CD33: variants seen among roughly 807,000 people sequenced by gnomAD.
CD33 encodes CD33 molecule.
In CD33, 25 loss-of-function variants were observed where a neutral mutation model predicts 31.4. The ratio of observed to expected loss-of-function variants is 0.80; its 90% confidence interval spans 0.58 to 1.11. CD33 has a LOEUF of 1.11. Ranked by LOEUF, CD33 falls within the 50% of genes most tolerant of loss-of-function variation. CD33 has a pLI of 0.00. For missense variants in CD33, 407 were observed against 448.1 expected (o/e 0.91, Z 0.83); for synonymous variants, 176 against 180.6 (o/e 0.97, Z 0.20).
the CD33 span, among the ~76,000 whole-genome samples, chr19:51,213,409 G>A: frequency 3.3e-5 from 5 of 152,194 alleles, no homozygotes; most frequent in African/African-American, 1.2e-4. Context: ...ATACCAGACT[G>A]TTGTCCACAG....
chr19:51,211,658 G>A, the CD33 span: 9 of 1,160,058 alleles, frequency 7.8e-6, no homozygotes, highest in Non-Finnish European at 1.1e-5. Context: ...CTTGGGATGG[G>A]ACCCATGTCC....
chr19:51,235,603 C>G lies in CD33; in HGVS notation c.851C>G (p.Thr284Ser), dbSNP rs761921300. The G allele has an allele frequency of 5.0e-6, 8 of 1,613,616 alleles. No homozygotes were observed. Reference protein sequence around the residue: ...CLCLIFFIVKTHRRKAARTAV... With the variant: ...CLCLIFFIVKSHRRKAARTAV... Reference sequence around the variant, plus strand: ...CTGGTGTCTCCCATCAGAGTGAAGACCCACAGGAGGAAAGCAGCCAGGACA... The same window carrying G: ...CTGGTGTCTCCCATCAGAGTGAAGAGCCACAGGAGGAAAGCAGCCAGGACA... The change falls in exon 6 of 7, where the codon ACC becomes AGC. Residue 284 changes from threonine (T) to serine (S), a missense_variant. Transcript: ENST00000262262.
the CD33 span, chr19:51,211,621 G>C: frequency 7.0e-7 from 1 of 1,423,772 alleles, no homozygotes; most frequent in Non-Finnish European, 9.5e-7. Flanking sequence ...AGCCACAAGG[G>C]AAGGTCAAAG....
chr19:51,220,551 T>C (rs1346493822), upstream of CD33, among the ~76,000 whole-genome samples: 43 of 152,208 alleles, frequency 2.8e-4, no homozygotes, highest in Non-Finnish European at 5.9e-5. Context: ...TTTTCTCTTA[T>C]CAGGACTCTT....
chr19:51,225,913 T>G lies in CD33; in HGVS notation c.529T>G (p.Phe177Val). 6.2e-7 allele frequency: 1 copy of G among 1,614,016 alleles called. No homozygotes were observed. Among genetic ancestry groups the G allele is most frequent in the Non-Finnish European group, 8.5e-7 (1 of 1,180,004 alleles). The change falls in exon 3 of 7, where the codon TTC becomes GTC. Residue 177 changes from phenylalanine to valine, a missense_variant. By Grantham distance (50) the Phe-to-Val change is conservative. Transcript: ENST00000262262. Reference protein sequence around the residue: ...WACEQGTPPIFSWLSAAPTSL... With the variant: ...WACEQGTPPIVSWLSAAPTSL... ...CTGTGAGCAGGGAACACCCCCGATC[T>G]TCTCCTGGTTGTCAGCTGCCCCCAC...
chr19:51,221,034 C>G (rs777931921), upstream of CD33, among the ~76,000 whole-genome samples: 9 of 152,058 alleles, frequency 5.9e-5, no homozygotes, highest in Admixed American at 2.0e-4. Context: ...ACAAAAGGCC[C>G]AATTTTGTGT....
the CD33 span, among the ~76,000 whole-genome samples, chr19:51,213,705 T>C: frequency 6.6e-6 from 1 of 151,500 alleles, no homozygotes; most frequent in African/African-American, 2.4e-5. Context: ...CCTGGCTATT[T>C]TTTTTTTTTC....
At position 51,225,610 on chromosome 19, in the gene CD33, G is replaced by C. The variant is rs1599866228; in HGVS notation, c.418+12G>C. ...TGTGCATGTGACAGGTGAGGCACAG[G>C]CTTCAGAAGTGGCCGCAAGGGAAGT... is the stretch of plus-strand genomic sequence containing the variant. On this transcript the variant is annotated intron_variant, in intron 2 of 6. Transcript: ENST00000262262. The C allele has an allele frequency of 3.9e-6, 6 of 1,541,512 alleles. No individual in the cohort carries two copies. The highest frequency in any genetic ancestry group is 1.4e-5 in the African/African-American group (1 of 72,528).
At chr19:51,226,461 A>T (rs1351834630) in intron 4 of CD33, 105 bp downstream of exon 4, 1 of 977,124 alleles carries the variant, frequency 1.0e-6, no homozygotes, top group African/African-American at 1.6e-5. Flanking sequence ...CAAGGCCTGC[A>T]GTTAGACACG....
chr19:51,235,751 C>T (rs1015533237), intron 6 of CD33, 75 bp downstream of exon 6: 2 of 1,180,540 alleles, frequency 1.7e-6, no homozygotes, highest in Non-Finnish European at 2.5e-6. Context: ...CGTCATGCCC[C>T]ATTCAGCATT....
At chr19:51,211,561 T>C in the CD33 span, 1 of 1,508,024 alleles carries the variant, frequency 6.6e-7, no homozygotes, top group Non-Finnish European at 8.9e-7. Context: ...CAGTTACAAA[T>C]CTCCCCAGCT....
rs1335862940 is a variant in CD33 at position 51,225,892 on chromosome 19, G to A, written c.508G>A (p.Glu170Lys). The A allele has an allele frequency of 6.2e-7, 1 of 1,613,906 alleles. No homozygotes were observed. The highest frequency in any genetic ancestry group is 8.5e-7 in the Non-Finnish European group (1 of 1,180,008). ...NLTCSVSWAC[E>K]QGTPPIFSWL... Reference sequence around the variant, plus strand: ...GACCTGCTCTGTGTCCTGGGCCTGTGAGCAGGGAACACCCCCGATCTTCTC... The same window carrying A: ...GACCTGCTCTGTGTCCTGGGCCTGTAAGCAGGGAACACCCCCGATCTTCTC... The change falls in exon 3 of 7, where the codon GAG becomes AAG. Residue 170 changes from glutamate (E) to lysine (K), a missense_variant. Coordinates refer to ENST00000262262, the MANE Select transcript of CD33 (RefSeq NM_001772.4).
intron 3 of CD33, 28 bp from the exon 4 acceptor site, chr19:51,226,281 T>C (rs1228508410): frequency 6.2e-7 from 1 of 1,609,618 alleles, no homozygotes; most frequent in South Asian, 1.1e-5. Context: ...TACCCCCAAC[T>C]GAAGGAAATC....
chr19:51,214,334 A>C, the CD33 span, among the ~76,000 whole-genome samples: 1 of 151,288 alleles, frequency 6.6e-6, no homozygotes, highest in African/African-American at 2.4e-5. Flanking sequence ...AGTAGCTGGG[A>C]TTACAGGCAC....
intron 3 of CD33, 78 bp downstream of exon 3, chr19:51,226,159 G>C: frequency 1.3e-6 from 2 of 1,560,774 alleles, no homozygotes; most frequent in Non-Finnish European, 1.8e-6. Flanking sequence ...GACATTTAGT[G>C]TCCTGGAGGC....
chr19:51,223,130 G>C (rs1980766253), upstream of CD33, among the ~76,000 whole-genome samples: 1 of 152,044 alleles, frequency 6.6e-6, no homozygotes, highest in Non-Finnish European at 1.5e-5. Flanking sequence ...TGACGTGGGA[G>C]AGTCACTTGA....
At chr19:51,230,444 C>A (rs1981327049) in intron 4 of CD33, among the ~76,000 whole-genome samples, 1 of 152,166 alleles carries the variant, frequency 6.6e-6, no homozygotes, top group Non-Finnish European at 1.5e-5. Flanking sequence ...TTGTTCAATG[C>A]TGAGAGTGGG....
intron 4 of CD33, among the ~76,000 whole-genome samples, chr19:51,234,051 G>T (rs1838401408): frequency 6.6e-6 from 1 of 151,978 alleles, no homozygotes; most frequent in South Asian, 2.1e-4. Context: ...TTTTTTAATA[G>T]GTTTTATTTT....
chr19:51,218,207 A>T, the CD33 span, among the ~76,000 whole-genome samples: 188 of 152,278 alleles, frequency 1.2e-3, no homozygotes, highest in African/African-American at 4.3e-3. Context: ...TTGACTTTTT[A>T]AAAATAGCCA....
Sources: gnomAD v4.1 joint callset for allele counts (sites outside exome capture counted in the v4.1 genomes callset) on GRCh38, gnomAD v4.1.1 for gene constraint, MANE v1.5 for transcripts, NCBI Gene and HGNC (gene_info 2026-07-23, HGNC 2026-07-21) for gene names.